CFH: variants seen among roughly 807,000 people sequenced by gnomAD.
CFH encodes the protein complement factor H, also known as H factor 1 (complement).
Under a neutral mutation model 147.3 loss-of-function variants are expected in CFH, and 53 were observed. That is an observed-to-expected ratio of 0.36 (90% CI 0.29 to 0.45). The LOEUF is 0.45. Among genes scored for constraint, CFH ranks in the 20% least tolerant of loss-of-function variants. CFH has a pLI of 1.00. For missense variants in CFH, 1,380 were observed against 1,498.0 expected (o/e 0.92, Z 1.30); for synonymous variants, 536 against 489.4 (o/e 1.10, Z -1.26).
chr1:196,652,967 C>T lies in CFH; in HGVS notation c.58+792C>T, dbSNP rs148097104. On this transcript the variant is annotated intron_variant, in intron 1 of 21. Coordinates refer to ENST00000367429, the MANE Select transcript of CFH (RefSeq NM_000186.4). ...GCTTTCCTAGTTTTTGATAGGTAAC[C>T]AGTTATGTGATAGATATTTGGTAAA... Among the ~76,000 whole-genome samples, 556 of 151,662 alleles carry T rather than the reference C, an allele frequency of 3.7e-3. 8 individuals are homozygous for T. Among genetic ancestry groups the T allele is most frequent in the African/African-American group, 0.013 (538 of 41,448 alleles).
At chr1:196,733,764 T>C (rs949398343) in intron 15 of CFH, among the ~76,000 whole-genome samples, 1 of 152,106 alleles carries the variant, frequency 6.6e-6, no homozygotes, top group Non-Finnish European at 1.5e-5. Flanking sequence ...GAGTGATTAA[T>C]GTACCTGGAT....
intron 9 of CFH, among the ~76,000 whole-genome samples, chr1:196,711,644 A>G (rs1426138478): frequency 1.3e-5 from 2 of 152,026 alleles, no homozygotes; most frequent in African/African-American, 2.4e-5. Flanking sequence ...AAAAGCTTAA[A>G]AAACCCCAGA....
rs766241195 is a variant in CFH at position 196,673,133 on chromosome 1, G to A, written c.214G>A (p.Val72Ile). 4 of 1,613,470 alleles carry A rather than the reference G, an allele frequency of 2.5e-6. No homozygotes were observed. In the African/African-American group the frequency reaches 4.0e-5, roughly 16 times the overall value. Residue 72 changes from valine (V) to isoleucine (I), a missense_variant, in exon 2 of 22, where the codon GTT (valine) becomes ATT (isoleucine). This residue lies in a region of CFH where 260 missense variants were observed against 263.3 expected (regional missense o/e 0.99). Transcript: ENST00000367429. Reference sequence around the variant, plus strand: ...AATGGTATGCAGGAAGGGAGAATGGGTTGCTCTTAATCCATTAAGGAAATG... The same window carrying A: ...AATGGTATGCAGGAAGGGAGAATGGATTGCTCTTAATCCATTAAGGAAATG... ...VIMVCRKGEWVALNPLRKCQK... is the reference protein window; with the variant it reads ...VIMVCRKGEWIALNPLRKCQK...
chr1:196,673,813 C>A, intron 2 of CFH, 44 bp from the exon 3 acceptor site: 2 of 1,164,286 alleles, frequency 1.7e-6, no homozygotes, highest in South Asian at 1.2e-5. Flanking sequence ...AAAATATATT[C>A]CTTGCTATTA....
intron 10 of CFH, among the ~76,000 whole-genome samples, chr1:196,714,372 T>C (rs1668795955): frequency 6.6e-6 from 1 of 151,664 alleles, no homozygotes; most frequent in Non-Finnish European, 1.5e-5. Flanking sequence ...AGGATATGTC[T>C]AATACTGAAT....
At chr1:196,672,014 G>A (rs982278584) in intron 1 of CFH, among the ~76,000 whole-genome samples, 2 of 151,902 alleles carry the variant, frequency 1.3e-5, no homozygotes, top group African/African-American at 4.8e-5. Context: ...TACTAGTTGT[G>A]TATTTGAGTC....
In CFH at chr1:196,743,438, T is replaced by C. The variant is rs1238883607; in HGVS notation, c.3134-14T>C. ...TGAACACTAGGTGGAACCACTTCTT[T>C]TTTTTCTATTCAGACACCTCCTGTG... On this transcript the variant is annotated splice_polypyrimidine_tract_variant and intron_variant, in intron 19 of 21. Coordinates refer to ENST00000367429, the MANE Select transcript of CFH (RefSeq NM_000186.4). 3 of 1,613,850 alleles carry C rather than the reference T, an allele frequency of 1.9e-6. No individual in the cohort carries two copies. Among genetic ancestry groups the C allele is most frequent in the Non-Finnish European group, 2.5e-6 (3 of 1,179,888 alleles).
At chr1:196,661,785 C>T (rs1185970230) in intron 1 of CFH, among the ~76,000 whole-genome samples, 1 of 152,134 alleles carries the variant, frequency 6.6e-6, no homozygotes, top group Admixed American at 6.5e-5. Context: ...GGATTCAATG[C>T]GGGAAGCTTA....
intron 9 of CFH, among the ~76,000 whole-genome samples, chr1:196,709,118 T>C (rs550368197): frequency 6.6e-6 from 1 of 152,208 alleles, no homozygotes; most frequent in South Asian, 2.1e-4. Context: ...TCTGGTAAAA[T>C]AAAAACCAAA....
At chr1:196,712,376 A>G (rs1668742363) in intron 9 of CFH, among the ~76,000 whole-genome samples, 1 of 151,218 alleles carries the variant, frequency 6.6e-6, no homozygotes, top group African/African-American at 2.4e-5. Context: ...TATAAATAAT[A>G]ATTTATTTTC....
intron 9 of CFH, among the ~76,000 whole-genome samples, chr1:196,712,431 C>T (rs192190595): frequency 3.9e-4 from 59 of 151,116 alleles, no homozygotes; most frequent in African/African-American, 1.4e-3. Context: ...ATAAATTTCC[C>T]TCTGAGGATT....
At chr1:196,714,662 T>G (rs1424196745) in intron 10 of CFH, among the ~76,000 whole-genome samples, 1,546 of 36,902 alleles carry the variant, frequency 0.042, 14 homozygotes, top group African/African-American at 0.06. Context: ...TATATATATA[T>G]ATATATAGAG....
chr1:196,712,273 G>T (rs1386604422), intron 9 of CFH, among the ~76,000 whole-genome samples: 1 of 151,746 alleles, frequency 6.6e-6, no homozygotes, highest in East Asian at 1.9e-4. Flanking sequence ...TGTCTGTACT[G>T]ATTGTTTTCT....
intron 10 of CFH, among the ~76,000 whole-genome samples, chr1:196,714,278 A>G (rs928199646): frequency 6.6e-6 from 1 of 151,980 alleles, no homozygotes; most frequent in Non-Finnish European, 1.5e-5. Flanking sequence ...TAGATACAAA[A>G]GCAATGTTTT....
chr1:196,697,096 C>T (rs1017320206), intron 9 of CFH, among the ~76,000 whole-genome samples: 4 of 152,128 alleles, frequency 2.6e-5, no homozygotes, highest in Non-Finnish European at 5.9e-5. Flanking sequence ...TAGGCATGGG[C>T]AAGGACTTCA....
At chr1:196,664,432 A>T (rs935578574) in intron 1 of CFH, among the ~76,000 whole-genome samples, 1 of 152,156 alleles carries the variant, frequency 6.6e-6, no homozygotes, top group Admixed American at 6.5e-5. Context: ...AGGCACTCAA[A>T]TTTTTTGTGA....
At chr1:196,680,530 C>T (rs549642626) in intron 6 of CFH, among the ~76,000 whole-genome samples, 1 of 151,744 alleles carries the variant, frequency 6.6e-6, no homozygotes, top group South Asian at 2.1e-4. Flanking sequence ...TGCCATAAGA[C>T]GTACAGTAAG....
chr1:196,719,244 A>G (rs1668942139), intron 11 of CFH, among the ~76,000 whole-genome samples: 1 of 152,038 alleles, frequency 6.6e-6, no homozygotes, highest in Admixed American at 6.6e-5. Flanking sequence ...GCATTTGAAT[A>G]ATACCCAATA....
At chr1:196,734,810 C>T (rs1669364686) in intron 15 of CFH, among the ~76,000 whole-genome samples, 1 of 151,876 alleles carries the variant, frequency 6.6e-6, no homozygotes, top group Non-Finnish European at 1.5e-5. Flanking sequence ...AATTGTAATG[C>T]CTTTAAATTT....
Sources: gnomAD v4.1 joint callset for allele counts (sites outside exome capture counted in the v4.1 genomes callset) on GRCh38, gnomAD v4.1.1 for gene constraint, gnomAD v4.1.1 regional missense constraint, MANE v1.5 for transcripts, NCBI Gene and HGNC (gene_info 2026-07-23, HGNC 2026-07-21) for gene names.